The following CCSER1 variants were observed in gnomAD, a reference collection of about 807,000 sequenced individuals.
CCSER1 encodes serine-rich coiled-coil domain-containing protein 1.
Under a neutral mutation model 82.0 loss-of-function variants are expected in CCSER1, and 41 were observed. That is an observed-to-expected ratio of 0.50 (90% CI 0.39 to 0.65). CCSER1 has a LOEUF of 0.65. Among genes scored for constraint, CCSER1 ranks in the 30% least tolerant of loss-of-function variants. CCSER1 has a pLI of 0.00. For synonymous variants in CCSER1, 414 were observed against 383.9 expected (o/e 1.08, Z -0.92); for missense variants, 1,119 against 1,064.2 (o/e 1.05, Z -0.72).
intron 10 of CCSER1, among the ~76,000 whole-genome samples, chr4:91,102,357 T>C (rs1054188921): frequency 2.0e-5 from 3 of 152,170 alleles, no homozygotes; most frequent in African/African-American, 7.2e-5. Flanking sequence ...TTAGGCAGAT[T>C]TTATGACATT....
chr4:90,559,702 C>T (rs533071111), intron 5 of CCSER1, among the ~76,000 whole-genome samples: 1 of 149,456 alleles, frequency 6.7e-6, no homozygotes, highest in East Asian at 2.0e-4. Context: ...CCCAGCTACT[C>T]GGGAGACTGA....
intron 5 of CCSER1, among the ~76,000 whole-genome samples, chr4:90,618,890 CTT>C (rs1199114651): frequency 6.6e-6 from 1 of 151,652 alleles, no homozygotes; most frequent in Admixed American, 6.6e-5. Context: ...AATGAATTAT[CTT>C]ATATATTTCT....
intron 10 of CCSER1, among the ~76,000 whole-genome samples, chr4:91,098,403 G>T (rs981123955): frequency 6.6e-6 from 1 of 152,228 alleles, no homozygotes; most frequent in South Asian, 2.1e-4. Context: ...ATTTCAACTG[G>T]AACAAAATAA....
At chr4:91,218,871 T>C (rs1198338760) in intron 10 of CCSER1, among the ~76,000 whole-genome samples, 5 of 152,188 alleles carry the variant, frequency 3.3e-5, no homozygotes, top group Non-Finnish European at 7.4e-5. Flanking sequence ...ACCAGGGTGA[T>C]TAGAATCCTA....
At chr4:91,403,826 A>T (rs953804464) in intron 10 of CCSER1, among the ~76,000 whole-genome samples, 3 of 152,118 alleles carry the variant, frequency 2.0e-5, no homozygotes, top group Non-Finnish European at 4.4e-5. Flanking sequence ...TTTTGCATCG[A>T]TGTTCATCAG....
intron 1 of CCSER1, among the ~76,000 whole-genome samples, chr4:90,224,326 T>C (rs900186743): frequency 2.0e-5 from 3 of 152,206 alleles, no homozygotes; most frequent in African/African-American, 7.2e-5. Context: ...GGGGTGTCAG[T>C]ATCACCTAAC....
At chr4:90,854,960 G>A (rs1764292125) in intron 8 of CCSER1, among the ~76,000 whole-genome samples, 1 of 151,742 alleles carries the variant, frequency 6.6e-6, no homozygotes, top group African/African-American at 2.4e-5. Context: ...AGGGAAGCAA[G>A]CACCTTCTTC....
chr4:90,402,818 G>C (rs749687891), intron 4 of CCSER1, among the ~76,000 whole-genome samples: 4 of 152,066 alleles, frequency 2.6e-5, no homozygotes, highest in African/African-American at 9.7e-5. Flanking sequence ...ATGGTACTGT[G>C]TACTTCATTA....
chr4:90,339,773 C>G (rs1741061741), intron 3 of CCSER1, among the ~76,000 whole-genome samples: 2 of 152,038 alleles, frequency 1.3e-5, no homozygotes, highest in Non-Finnish European at 2.9e-5. Flanking sequence ...CTTTCCGTAT[C>G]TGCTTTACCA....
intron 10 of CCSER1, among the ~76,000 whole-genome samples, chr4:91,292,735 G>T (rs1379185277): frequency 6.6e-6 from 1 of 151,966 alleles, no homozygotes; most frequent in Non-Finnish European, 1.5e-5. Context: ...CAGAAGTGGA[G>T]CATTTAAGAA....
intron 1 of CCSER1, among the ~76,000 whole-genome samples, chr4:90,305,163 G>A (rs548703913): frequency 1.3e-5 from 2 of 152,156 alleles, no homozygotes; most frequent in Non-Finnish European, 2.9e-5. Flanking sequence ...TGATCTGCCT[G>A]CCTTGGCTTC....
chr4:91,187,156 C>A (rs1734621041), intron 10 of CCSER1, among the ~76,000 whole-genome samples: 1 of 152,212 alleles, frequency 6.6e-6, no homozygotes, highest in Non-Finnish European at 1.5e-5. Context: ...CTGTGGGCTG[C>A]ACCCACTGTC....
intron 1 of CCSER1, among the ~76,000 whole-genome samples, chr4:90,213,401 T>A (rs1022803617): frequency 6.6e-6 from 1 of 152,046 alleles, no homozygotes; most frequent in African/African-American, 2.4e-5. Flanking sequence ...GACATCTAAG[T>A]GAAAATGTTG....
At chr4:91,577,371 G>C (rs867149808) in intron 10 of CCSER1, among the ~76,000 whole-genome samples, 3 of 151,980 alleles carry the variant, frequency 2.0e-5, no homozygotes, top group Middle Eastern at 3.4e-3. Context: ...CAGGAAAACT[G>C]CCAGGAAGTC....
chr4:90,584,405 A>T lies in CCSER1; in HGVS notation c.1725-43620A>T, dbSNP rs577024567. On this transcript the variant is annotated intron_variant, in intron 5 of 10. Coordinates refer to ENST00000509176, the MANE Select transcript of CCSER1 (RefSeq NM_001145065.2). ...GGAAAAGAGAACCTCAGTTACAGGA[A>T]CTTCAAGGAAGCGTAACTCTGACAG... Among the ~76,000 whole-genome samples the T allele has an allele frequency of 2.0e-5, 3 of 152,266 alleles. No individual in the cohort carries two copies. The South Asian group carries it at 6.2e-4, about 32-fold the overall frequency.
chr4:90,500,571 T>A (rs144450090), intron 5 of CCSER1, among the ~76,000 whole-genome samples: 71 of 152,194 alleles, frequency 4.7e-4, no homozygotes, highest in East Asian at 3.3e-3. Context: ...CTTCAAGTGA[T>A]CTACCCGCCA....
chr4:90,873,603 A>G (rs1766837182), intron 8 of CCSER1, among the ~76,000 whole-genome samples: 1 of 152,116 alleles, frequency 6.6e-6, no homozygotes, highest in Non-Finnish European at 1.5e-5. Flanking sequence ...TTTTTATCTT[A>G]TGAGGCACAT....
intron 4 of CCSER1, among the ~76,000 whole-genome samples, chr4:90,444,752 C>T (rs760609113): frequency 2.0e-5 from 3 of 151,740 alleles, no homozygotes; most frequent in Non-Finnish European, 2.9e-5. Flanking sequence ...ATATTAGAAA[C>T]TCATGTTTTA....
chr4:90,803,707 A>G (rs1210820925), intron 7 of CCSER1, among the ~76,000 whole-genome samples: 1 of 152,186 alleles, frequency 6.6e-6, no homozygotes, highest in Admixed American at 6.5e-5. Context: ...AATGATTTAT[A>G]ATCCCTTGGG....
Sources: allele counts gnomAD v4.1 joint callset (sites outside exome capture counted in the v4.1 genomes callset), GRCh38; gene constraint gnomAD v4.1.1; transcripts MANE v1.5; gene names NCBI Gene and HGNC (gene_info 2026-07-23, HGNC 2026-07-21).